ABCA10: variants seen among roughly 807,000 people sequenced by gnomAD.
ABCA10 encodes the protein ATP binding cassette subfamily A member 10.
ABCA10 carries 169 observed loss-of-function variants against 187.5 expected under a neutral mutation model. The ratio of observed to expected loss-of-function variants is 0.90; its 90% confidence interval spans 0.80 to 1.02. The LOEUF is 1.02. Among genes scored for constraint, ABCA10 ranks in the 50% least tolerant of loss-of-function variants. ABCA10 has a pLI of 0.00. For missense variants in ABCA10, 1,727 were observed against 1,812.4 expected, an observed-to-expected ratio of 0.95 and a Z score of 0.86; for synonymous variants, 574 against 601.8, an observed-to-expected ratio of 0.95 and a Z score of 0.68.
intron 9 of ABCA10, among the ~76,000 whole-genome samples, chr17:69,212,765 A>G (rs2074670366): frequency 6.6e-6 from 1 of 152,192 alleles, no homozygotes; most frequent in African/African-American, 2.4e-5. Flanking sequence ...TTTGTCTGAT[A>G]TAAGAATAGC....
chr17:69,167,906 G>A (rs566622253), intron 25 of ABCA10, among the ~76,000 whole-genome samples: 4 of 152,166 alleles, frequency 2.6e-5, no homozygotes, highest in South Asian at 4.2e-4. Flanking sequence ...GTTACACCAT[G>A]TGTGTCTGTC....
intron 28 of ABCA10, 38 bp downstream of exon 28, chr17:69,156,794 T>G: frequency 8.4e-7 from 1 of 1,195,606 alleles, no homozygotes; most frequent in Non-Finnish European, 1.1e-6. Context: ...GACTAAATAT[T>G]TAGATTATAT....
intron 31 of ABCA10, 107 bp from the exon 32 acceptor site, chr17:69,154,116 C>T: frequency 1.4e-6 from 2 of 1,469,642 alleles, no homozygotes; most frequent in Non-Finnish European, 1.8e-6. Context: ...TTTGAATACG[C>T]AAGAGAAATT....
At chr17:69,172,425 C>T (rs1184420610) in intron 25 of ABCA10, among the ~76,000 whole-genome samples, 1 of 152,048 alleles carries the variant, frequency 6.6e-6, no homozygotes, top group African/African-American at 2.4e-5. Context: ...GACACAGACG[C>T]GTCCAAAGGG....
At position 69,193,219 on chromosome 17, in the gene ABCA10, T is replaced by C. The variant is rs2074474246; in HGVS notation, c.1671A>G (p.Gly557=). Residue 557 remains glycine (G), a synonymous_variant, in exon 15 of 39, where the codon GGA becomes GGG. Transcript: ENST00000690296. ...CTCGGTGTCTTGAAAAGGGATCCAATCCAGCAGTTGGTTCATCTAGCAGCA... is the reference window on the plus strand; with the variant it reads ...CTCGGTGTCTTGAAAAGGGATCCAACCCAGCAGTTGGTTCATCTAGCAGCA... ...QVLLLDEPTA[G]LDPFSRHRVW... is the part of the protein sequence containing the mutation. 6.2e-7 allele frequency: 1 copy of C among 1,613,658 alleles called. No homozygotes were observed. Among genetic ancestry groups the C allele is most frequent in the Admixed American group, 1.7e-5 (1 of 59,894 alleles).
At position 69,182,723 on chromosome 17, in the gene ABCA10, T is replaced by C; in HGVS notation, c.2583A>G (p.Ser861=). ...TGGCTCCATTGTAGGAGGGATCATC[T>C]GAGCCATTTCTGTTTCTAAAGTCAT... The part of the protein sequence containing the change: ...EIDDFRNRNG[S]DDPSYNGAII... Residue 861 remains serine (S), a synonymous_variant, in exon 21 of 39, where the codon TCA becomes TCG. Coordinates refer to ENST00000690296, the MANE Select transcript of ABCA10 (RefSeq NM_001377321.1). 1 of 1,612,666 alleles carries C rather than the reference T, an allele frequency of 6.2e-7. No individual in the cohort carries two copies. Among genetic ancestry groups the C allele is most frequent in the Non-Finnish European group, 8.5e-7 (1 of 1,179,620 alleles).
intron 9 of ABCA10, among the ~76,000 whole-genome samples, chr17:69,214,493 C>T (rs896670383): frequency 1.8e-4 from 25 of 142,632 alleles, no homozygotes; most frequent in Admixed American, 7.1e-4. Context: ...CCAGCCTGGG[C>T]GACAGAGCGA....
At chr17:69,226,756 C>T (rs749429312) in intron 2 of ABCA10, among the ~76,000 whole-genome samples, 2 of 151,882 alleles carry the variant, frequency 1.3e-5, no homozygotes, top group African/African-American at 4.8e-5. Flanking sequence ...GGTTTGCCCA[C>T]GTAAAAATCT....
intron 25 of ABCA10, among the ~76,000 whole-genome samples, chr17:69,165,897 C>T (rs118018098): frequency 0.012 from 1,866 of 152,140 alleles, 15 homozygotes; most frequent in Middle Eastern, 0.027. Flanking sequence ...TCTATTTTGT[C>T]ATTTACCACT....
Position 69,220,154 on chromosome 17 carries a change from T to C in ABCA10, c.304-383A>G, listed in dbSNP as rs893183043. Among the ~76,000 whole-genome samples, 9 of 152,014 alleles carry C rather than the reference T, an allele frequency of 5.9e-5. 1 individual carries two copies. The highest frequency in any genetic ancestry group is 4.6e-4 in the Admixed American group (7 of 15,248). ...GAGCAACTATGTTCAAAGAAAAGTG[T>C]AGGAAAATCAAGAAAGGCTTCCCTA... is the stretch of plus-strand genomic sequence containing the variant. On this transcript the variant is annotated intron_variant, in intron 5 of 38. Transcript: ENST00000690296.
intron 6 of ABCA10, among the ~76,000 whole-genome samples, chr17:69,218,162 G>GA (rs1178353604): frequency 6.6e-6 from 1 of 152,022 alleles, no homozygotes; most frequent in Admixed American, 6.5e-5. Context: ...GCAAAAAAAG[G>GA]AAAAACAAAC....
chr17:69,242,776 G>A (rs551459554), intron 1 of ABCA10, among the ~76,000 whole-genome samples: 1 of 152,256 alleles, frequency 6.6e-6, no homozygotes, highest in East Asian at 1.9e-4. Flanking sequence ...AATTAAGCAC[G>A]TTATACTATA....
At chr17:69,169,867 T>C (rs7221611) in intron 25 of ABCA10, among the ~76,000 whole-genome samples, 12,786 of 152,266 alleles carry the variant, frequency 0.084, 1,851 homozygotes, top group African/African-American at 0.29. Context: ...CATCAGCTTA[T>C]TTTATAAACA....
chr17:69,211,889 T>C (rs917257008), intron 9 of ABCA10, among the ~76,000 whole-genome samples: 5 of 152,206 alleles, frequency 3.3e-5, no homozygotes, highest in African/African-American at 1.2e-4. Context: ...TGGTGAATCT[T>C]GCTAATGGTC....
At chr17:69,199,636 G>A (rs1173161284) in intron 10 of ABCA10, among the ~76,000 whole-genome samples, 4 of 152,176 alleles carry the variant, frequency 2.6e-5, no homozygotes, top group Non-Finnish European at 5.9e-5. Flanking sequence ...TGAATAGGAT[G>A]ACTAGCATCA....
chr17:69,176,450 T>C (rs1257252367), intron 22 of ABCA10, among the ~76,000 whole-genome samples: 1 of 151,942 alleles, frequency 6.6e-6, no homozygotes, highest in African/African-American at 2.4e-5. Context: ...AAAAGGTAAG[T>C]TTTTGTCATA....
Position 69,215,939 on chromosome 17 carries a change from C to G in ABCA10, c.734G>C (p.Gly245Ala), listed in dbSNP as rs2074700269. 1 of 1,613,730 alleles carries G rather than the reference C, an allele frequency of 6.2e-7. No homozygotes were observed. The highest frequency in any genetic ancestry group is 1.3e-5 in the African/African-American group (1 of 74,884). The change falls in exon 8 of 39, where the codon GGA becomes GCA. Residue 245 changes from glycine to alanine, a missense_variant. Transcript: ENST00000690296. Reference sequence around the variant, plus strand: ...TCCCCAAAATACAGTGAAGAGAAATCCAGCCAAACCAGCGAGCATAGGTTT... The same window carrying G: ...TCCCCAAAATACAGTGAAGAGAAATGCAGCCAAACCAGCGAGCATAGGTTT... ...IRKPMLAGLAGFLFTVFWGCL... is the reference protein window; with the variant it reads ...IRKPMLAGLAAFLFTVFWGCL...
intron 23 of ABCA10, 95 bp downstream of exon 23, chr17:69,175,311 C>T: frequency 9.6e-7 from 1 of 1,042,790 alleles, no homozygotes. Flanking sequence ...AAACATTAAC[C>T]AAAGTACAAC....
intron 1 of ABCA10, among the ~76,000 whole-genome samples, chr17:69,236,984 G>C (rs1305839009): frequency 1.3e-5 from 2 of 152,182 alleles, no homozygotes; most frequent in Non-Finnish European, 2.9e-5. Context: ...GAGAAATCCA[G>C]TATATTTTGG....
Sources: gnomAD v4.1 joint callset for allele counts (sites outside exome capture counted in the v4.1 genomes callset) on GRCh38, gnomAD v4.1.1 for gene constraint, MANE v1.5 for transcripts, NCBI Gene and HGNC (gene_info 2026-07-23, HGNC 2026-07-21) for gene names.